The following SDK2 variants were observed in gnomAD, a reference collection of about 807,000 sequenced individuals.
SDK2 encodes sidekick cell adhesion molecule 2.
SDK2 carries 105 observed loss-of-function variants against 253.9 expected under a neutral mutation model. The observed-to-expected ratio is 0.41, with a 90% CI of 0.35 to 0.49. SDK2 has a LOEUF of 0.49. Ranked by LOEUF, SDK2 falls within the 20% of genes least tolerant of loss-of-function variation. The probability of loss-of-function intolerance (pLI) is 0.06; values close to 1 mark genes in which losing one functional copy is unlikely to be tolerated. For missense variants in SDK2, 2,608 were observed against 3,003.0 expected, an observed-to-expected ratio of 0.87 and a Z score of 3.07; for synonymous variants, 1,249 against 1,234.9, an observed-to-expected ratio of 1.01 and a Z score of -0.24.
intron 3 of SDK2, among the ~76,000 whole-genome samples, chr17:73,463,893 G>T (rs1413262217): frequency 1.3e-5 from 2 of 152,158 alleles, no homozygotes; most frequent in Admixed American, 6.5e-5. Flanking sequence ...GGAATTGTGG[G>T]TTGTGGGGTT....
chr17:73,636,680 CAA>C (rs561026344), intron 1 of SDK2, among the ~76,000 whole-genome samples: 616 of 50,844 alleles, frequency 0.012, 3 homozygotes, highest in African/African-American at 0.039. Flanking sequence ...GACTCTGTCT[CAA>C]AAAAAAAAAA....
At chr17:73,547,766 A>T (rs2044988811) in intron 1 of SDK2, among the ~76,000 whole-genome samples, 1 of 152,156 alleles carries the variant, frequency 6.6e-6, no homozygotes, top group African/African-American at 2.4e-5. Context: ...ATCTCATTTG[A>T]TCAGATCTGC....
chr17:73,630,207 A>G (rs2046250844), intron 1 of SDK2, among the ~76,000 whole-genome samples: 1 of 152,280 alleles, frequency 6.6e-6, no homozygotes, highest in East Asian at 1.9e-4. Context: ...TCCCTGGACC[A>G]GCAGCAGTGG....
chr17:73,449,569 A>G lies in SDK2; in HGVS notation c.480-1821T>C, dbSNP rs537485749. Among the ~76,000 whole-genome samples the G allele has an allele frequency of 3.5e-5, 5 of 144,554 alleles. No individual in the cohort carries two copies. In the South Asian group the frequency reaches 1.1e-3, roughly 32 times the overall value. 94.8% of individuals were successfully genotyped at this position (144,554 alleles called of 152,430 possible). On this transcript the variant is annotated intron_variant, in intron 4 of 44. Coordinates refer to ENST00000392650, the MANE Select transcript of SDK2 (RefSeq NM_001144952.2). ...AGGAAGCCAAGCCCTCCTGCCCCCAATTCCTGGGTACCCTAATGATGCCCC... is the reference window on the plus strand; with the variant it reads ...AGGAAGCCAAGCCCTCCTGCCCCCAGTTCCTGGGTACCCTAATGATGCCCC...
intron 2 of SDK2, among the ~76,000 whole-genome samples, chr17:73,483,465 C>T (rs1355620082): frequency 6.8e-6 from 1 of 146,666 alleles, no homozygotes; most frequent in Admixed American, 6.9e-5. Flanking sequence ...TGCACCACCA[C>T]ACCTGGCTAA....
chr17:73,466,728 G>GCC (rs1555584446), intron 3 of SDK2, among the ~76,000 whole-genome samples: 5 of 75,642 alleles, frequency 6.6e-5, no homozygotes, highest in Admixed American at 1.2e-4. Context: ...CCCCCCCCCC[G>GCC]GCTTAGGCTC....
In SDK2 at chr17:73,504,902, G is replaced by C. The variant is rs556265434; in HGVS notation, c.224+2536C>G. On this transcript the variant is annotated intron_variant, in intron 2 of 44. Transcript: ENST00000392650. ...GGAAGAGTTCTAAGGCCCTTCTAAGGAGTGCAGACCTTGCCTCAGGGGCAC... is the reference window on the plus strand; with the variant it reads ...GGAAGAGTTCTAAGGCCCTTCTAAGCAGTGCAGACCTTGCCTCAGGGGCAC... Among the ~76,000 whole-genome samples, 3 of 152,238 alleles carry C rather than the reference G, an allele frequency of 2.0e-5. No individual in the cohort carries two copies. The South Asian group carries it at 6.2e-4, about 32-fold the overall frequency.
chr17:73,607,837 C>G lies in SDK2; in HGVS notation c.64+36188G>C, dbSNP rs78868170. Among the ~76,000 whole-genome samples, 557 of 151,102 alleles carry G rather than the reference C, an allele frequency of 3.7e-3. 1 individual carries two copies. The highest frequency in any genetic ancestry group is 0.013 in the African/African-American group (530 of 41,240). ...TTTGAGCGAAGGACACATGCTCTGACTTCTGTGTGCTTTTTTTTTTTTTGG... is the reference window on the plus strand; with the variant it reads ...TTTGAGCGAAGGACACATGCTCTGAGTTCTGTGTGCTTTTTTTTTTTTTGG... On this transcript the variant is annotated intron_variant, in intron 1 of 44. Coordinates refer to ENST00000392650, the MANE Select transcript of SDK2 (RefSeq NM_001144952.2).
intron 1 of SDK2, among the ~76,000 whole-genome samples, chr17:73,599,402 G>T (rs904426302): frequency 1.3e-5 from 2 of 152,064 alleles, no homozygotes; most frequent in Non-Finnish European, 2.9e-5. Context: ...CGTGGTGGTG[G>T]GCACCTGTAA....
At chr17:73,615,238 T>G (rs561813906) in intron 1 of SDK2, among the ~76,000 whole-genome samples, 2 of 152,204 alleles carry the variant, frequency 1.3e-5, no homozygotes, top group Non-Finnish European at 2.9e-5. Context: ...GACTTTAACG[T>G]TCTGCTGTCA....
chr17:73,577,483 G>A (rs2045472906), intron 1 of SDK2, among the ~76,000 whole-genome samples: 1 of 152,202 alleles, frequency 6.6e-6, no homozygotes. Context: ...TCCCCAGCTG[G>A]TGTGGAGAGT....
intron 2 of SDK2, among the ~76,000 whole-genome samples, chr17:73,492,399 C>A (rs1176575623): frequency 6.6e-6 from 1 of 152,116 alleles, no homozygotes; most frequent in Non-Finnish European, 1.5e-5. Flanking sequence ...TGTGGATGTG[C>A]TGTGGGTTGG....
chr17:73,600,433 TG>T (rs550825037), intron 1 of SDK2, among the ~76,000 whole-genome samples: 589 of 152,190 alleles, frequency 3.9e-3, no homozygotes, highest in African/African-American at 0.013. Context: ...CTGCCTCCCC[TG>T]GGGGAGGCGG....
intron 4 of SDK2, among the ~76,000 whole-genome samples, chr17:73,451,765 A>G (rs576693756): frequency 6.6e-6 from 1 of 152,240 alleles, no homozygotes; most frequent in African/African-American, 2.4e-5. Context: ...CAGAATGTCC[A>G]TCTCGTTGAT....
chr17:73,536,829 C>G (rs973535873), intron 1 of SDK2, among the ~76,000 whole-genome samples: 4 of 152,130 alleles, frequency 2.6e-5, no homozygotes, highest in African/African-American at 9.7e-5. Context: ...ACTGTAGCCC[C>G]GCCTCCTTCC....
intron 1 of SDK2, among the ~76,000 whole-genome samples, chr17:73,538,806 C>T (rs2044820829): frequency 6.6e-6 from 1 of 152,198 alleles, no homozygotes; most frequent in East Asian, 1.9e-4. Context: ...GGCTAGGAGT[C>T]CCACCTTGGC....
chr17:73,460,389 G>C (rs774711273), intron 3 of SDK2, among the ~76,000 whole-genome samples: 4 of 152,206 alleles, frequency 2.6e-5, no homozygotes, highest in Non-Finnish European at 5.9e-5. Context: ...TCCCAGGATA[G>C]AGTCAAGCTG....
At chr17:73,350,561 G>C in intron 42 of SDK2, 89 bp downstream of exon 42, 1 of 1,465,710 alleles carries the variant, frequency 6.8e-7, no homozygotes, top group Non-Finnish European at 9.2e-7. Flanking sequence ...CCAGGAGCCA[G>C]GAGAGGGACC....
intron 1 of SDK2, among the ~76,000 whole-genome samples, chr17:73,590,157 G>C (rs1423975764): frequency 6.6e-6 from 1 of 152,218 alleles, no homozygotes; most frequent in Non-Finnish European, 1.5e-5. Context: ...GGAGGCAATT[G>C]ACGAAAGAAG....
Sources: gnomAD v4.1 joint callset for allele counts (sites outside exome capture counted in the v4.1 genomes callset) on GRCh38, gnomAD v4.1.1 for gene constraint, MANE v1.5 for transcripts, NCBI Gene and HGNC (gene_info 2026-07-23, HGNC 2026-07-21) for gene names.